Variants in LUZP2 observed in about 807,000 individuals in gnomAD.
LUZP2 encodes leucine zipper protein 2.
LUZP2 carries 52 observed loss-of-function variants against 51.6 expected under a neutral mutation model. That is an observed-to-expected ratio of 1.01 (90% CI 0.81 to 1.27). The LOEUF is 1.27. Ranked by LOEUF, LUZP2 falls within the 50% of genes most tolerant of loss-of-function variation. The pLI is 0.00. For synonymous variants in LUZP2, 154 were observed against 137.3 expected, an observed-to-expected ratio of 1.12 and a Z score of -0.85; for missense variants, 436 against 395.4, an observed-to-expected ratio of 1.10 and a Z score of -0.87.
At chr11:25,005,264 T>C (rs765931322) in intron 9 of LUZP2, among the ~76,000 whole-genome samples, 21 of 152,026 alleles carry the variant, frequency 1.4e-4, no homozygotes, top group Admixed American at 1.2e-3. Flanking sequence ...GGCTAGGATA[T>C]GGGGGTGAGC....
intron 5 of LUZP2, among the ~76,000 whole-genome samples, chr11:24,778,087 G>C (rs576597737): frequency 9.2e-5 from 14 of 152,018 alleles, no homozygotes; most frequent in African/African-American, 3.4e-4. Flanking sequence ...TCTCAAAATG[G>C]TGCGAAGATT....
intron 5 of LUZP2, among the ~76,000 whole-genome samples, chr11:24,771,640 A>G (rs1055380387): frequency 1.3e-5 from 2 of 151,910 alleles, no homozygotes; most frequent in African/African-American, 4.8e-5. Context: ...TTGGAGATAA[A>G]AGCTTAATTA....
At chr11:24,526,010 T>G (rs951129573) in intron 1 of LUZP2, among the ~76,000 whole-genome samples, 1 of 151,444 alleles carries the variant, frequency 6.6e-6, no homozygotes, top group Non-Finnish European at 1.5e-5. Context: ...CAGACCAAAA[T>G]AGCATACATT....
At chr11:24,936,563 A>G (rs1854593096) in intron 7 of LUZP2, among the ~76,000 whole-genome samples, 2 of 151,902 alleles carry the variant, frequency 1.3e-5, no homozygotes, top group African/African-American at 2.4e-5. Flanking sequence ...CTTATACAAT[A>G]ATGACTGTTG....
At chr11:24,512,975 C>A (rs1850359225) in intron 1 of LUZP2, among the ~76,000 whole-genome samples, 1 of 152,178 alleles carries the variant, frequency 6.6e-6, no homozygotes, top group Non-Finnish European at 1.5e-5. Context: ...CCAGGCTGGT[C>A]TTGAACTCCT....
chr11:24,611,563 G>GA lies in LUZP2; in HGVS notation c.62+114261dup, dbSNP rs1361916484. 6.6e-6 allele frequency among the ~76,000 whole-genome samples: 1 copy of GA among 152,064 alleles called. No individual in the cohort carries two copies. The highest frequency in any genetic ancestry group is 1.5e-5 in the Non-Finnish European group (1 of 68,016). On this transcript the variant is annotated intron_variant, in intron 1 of 11. Transcript: ENST00000336930. This position sits in a 1 kb window ranked among gnomAD's most constrained non-coding sequence, Gnocchi z 4.6. ...GTTTGGCAATTATGGAACTAGGGTG[G>GA]AAAGGGAGGCAGTTACTGGAAAGTA...
chr11:24,502,047 C>T (rs770176904), intron 1 of LUZP2, among the ~76,000 whole-genome samples: 18 of 152,138 alleles, frequency 1.2e-4, no homozygotes, highest in Admixed American at 3.3e-4. Flanking sequence ...CAGACCTCCC[C>T]ATAACACCTA....
intron 1 of LUZP2, among the ~76,000 whole-genome samples, chr11:24,724,974 C>T (rs748197187): frequency 2.6e-5 from 4 of 152,138 alleles, no homozygotes; most frequent in Non-Finnish European, 5.9e-5. Flanking sequence ...TAAAAACATA[C>T]TGGCATAATA....
At chr11:24,799,428 C>A (rs1240131812) in intron 5 of LUZP2, among the ~76,000 whole-genome samples, 1 of 151,488 alleles carries the variant, frequency 6.6e-6, no homozygotes. Context: ...AAACCCCGTC[C>A]CTACTAAAAA....
intron 1 of LUZP2, among the ~76,000 whole-genome samples, chr11:24,531,557 A>C (rs1206866989): frequency 6.6e-6 from 1 of 150,856 alleles, no homozygotes; most frequent in East Asian, 1.9e-4. Context: ...TTGTGTATCT[A>C]TTAGCCCACC....
intron 7 of LUZP2, among the ~76,000 whole-genome samples, chr11:24,924,466 G>A (rs1854168477): frequency 6.6e-6 from 1 of 151,132 alleles, no homozygotes; most frequent in South Asian, 2.1e-4. Context: ...CCCAAATGCT[G>A]TTTGGAAGAA....
intron 5 of LUZP2, among the ~76,000 whole-genome samples, chr11:24,765,901 C>T (rs937033390): frequency 6.6e-6 from 1 of 152,084 alleles, no homozygotes; most frequent in Non-Finnish European, 1.5e-5. Flanking sequence ...GCTGGGATTA[C>T]AGGCGTGAGC....
At chr11:25,019,007 C>G (rs982615821) in intron 9 of LUZP2, among the ~76,000 whole-genome samples, 5 of 152,128 alleles carry the variant, frequency 3.3e-5, no homozygotes, top group African/African-American at 4.8e-5. Context: ...TGCTACCCTC[C>G]TCTCAACATG....
At chr11:24,998,779 C>T (rs1262111384) in intron 9 of LUZP2, among the ~76,000 whole-genome samples, 2 of 152,230 alleles carry the variant, frequency 1.3e-5, no homozygotes, top group East Asian at 3.9e-4. Context: ...TGCTTCCAGG[C>T]ATAAAATCTT....
At chr11:24,983,401 ATTG>A in intron 9 of LUZP2, 108 bp downstream of exon 9, 1 of 1,134,192 alleles carries the variant, frequency 8.8e-7, no homozygotes, top group South Asian at 1.6e-5. Flanking sequence ...TAACAAATCC[ATTG>A]AAAGATTAGG....
intron 5 of LUZP2, among the ~76,000 whole-genome samples, chr11:24,763,678 A>G (rs987794267): frequency 3.3e-5 from 5 of 152,186 alleles, no homozygotes; most frequent in Non-Finnish European, 7.4e-5. Flanking sequence ...GGGCCAATCT[A>G]GAATGAAAAA....
intron 7 of LUZP2, among the ~76,000 whole-genome samples, chr11:24,962,544 C>A (rs1452330288): frequency 6.6e-6 from 1 of 152,188 alleles, no homozygotes; most frequent in African/African-American, 2.4e-5. Flanking sequence ...CCCTTTCTTC[C>A]AGTTGATGGC....
chr11:24,581,607 G>C (rs7101474), intron 1 of LUZP2, among the ~76,000 whole-genome samples: 1 of 151,732 alleles, frequency 6.6e-6, no homozygotes, highest in Non-Finnish European at 1.5e-5. Context: ...GGAGGTGGAG[G>C]CATCAAAGAG....
chr11:24,835,223 T>G (rs953187970), intron 5 of LUZP2, among the ~76,000 whole-genome samples: 1 of 152,134 alleles, frequency 6.6e-6, no homozygotes, highest in African/African-American at 2.4e-5. Flanking sequence ...ATTCCCTATT[T>G]AATAAATGGT....
Sources: gnomAD v4.1 joint callset for allele counts (sites outside exome capture counted in the v4.1 genomes callset) on GRCh38, gnomAD v4.1.1 for gene constraint, Gnocchi (gnomAD v3.1) non-coding constraint, MANE v1.5 for transcripts, NCBI Gene and HGNC (gene_info 2026-07-23, HGNC 2026-07-21) for gene names.